Variants in SYNE3 observed in about 807,000 individuals in gnomAD.
The protein encoded by SYNE3 is nesprin-3.
A neutral mutation model predicts 111.2 loss-of-function variants in SYNE3; 100 were observed. That is an observed-to-expected ratio of 0.90 (90% CI 0.77 to 1.06). SYNE3 has a LOEUF of 1.06. SYNE3 is among the 50% of genes least tolerant of loss of function. The probability of loss-of-function intolerance (pLI) is 0.00; values close to 1 mark genes in which losing one functional copy is unlikely to be tolerated. For synonymous variants in SYNE3, 547 were observed against 533.9 expected (o/e 1.02, Z -0.34); for missense variants, 1,160 against 1,240.3 (o/e 0.94, Z 0.97).
chr14:95,469,314 T>G (rs911550937), intron 2 of SYNE3, among the ~76,000 whole-genome samples: 1 of 152,030 alleles, frequency 6.6e-6, no homozygotes, highest in African/African-American at 2.4e-5. Flanking sequence ...GGCAGGTCAC[T>G]AGGCTACTCT....
chr14:95,415,089 G>A lies in SYNE3; in HGVS notation c.*2737C>T, dbSNP rs17111984. The stretch of plus-strand genomic sequence containing the variant: ...CAGGCTGCATACATGCCCAGTGGCT[G>A]TTTTTTTCATGTAGTTGCTGACATG... On this transcript the variant is annotated 3_prime_UTR_variant, in exon 18 of 18. Coordinates refer to ENST00000682763, the MANE Select transcript of SYNE3 (RefSeq NM_152592.6). The A allele has an allele frequency of 0.14, 21,078 of 151,926 alleles. 1,563 individuals are homozygous for A. Among genetic ancestry groups the A allele is most frequent in the Non-Finnish European group, 0.15 (10,392 of 67,952 alleles). 9.4% of individuals were successfully genotyped at this position (151,926 alleles called of 1,614,324 possible).
intron 17 of SYNE3, among the ~76,000 whole-genome samples, chr14:95,422,376 G>A (rs1038131097): frequency 6.6e-6 from 1 of 152,132 alleles, no homozygotes; most frequent in Non-Finnish European, 1.5e-5. Context: ...ATTTTACAGA[G>A]GAAGAAACTG....
intron 1 of SYNE3, among the ~76,000 whole-genome samples, chr14:95,490,744 G>GACACTC (rs1268354963): frequency 1.3e-5 from 2 of 152,252 alleles, no homozygotes; most frequent in Non-Finnish European, 2.9e-5. Context: ...AGCTCAACCT[G>GACACTC]ACACTCTTCA....
At chr14:95,425,237 C>T (rs1431999477) in intron 17 of SYNE3, among the ~76,000 whole-genome samples, 3 of 107,522 alleles carry the variant, frequency 2.8e-5, no homozygotes, top group African/African-American at 9.7e-5. Flanking sequence ...CAGAGTGAGA[C>T]TCCATCAAAA....
Position 95,455,589 on chromosome 14 carries a change from G to C in SYNE3, c.925C>G (p.Leu309Val). The C allele has an allele frequency of 6.2e-7, 1 of 1,614,166 alleles. No individual in the cohort carries two copies. The highest frequency in any genetic ancestry group is 1.3e-5 in the African/African-American group (1 of 75,050). Residue 309 changes from leucine to valine, a missense_variant, in exon 6 of 18, where the codon CTG (leucine) becomes GTG (valine). By Grantham distance (32) the Leu-to-Val change is conservative (BLOSUM62 1). Transcript: ENST00000682763. ...TGELEEMRKV[L>V]EKLRALWEEE... The stretch of plus-strand genomic sequence containing the variant: ...TCCCAGAGGGCGCGCAGCTTCTCCA[G>C]AACTTTCCTCATCTCTTCCAGTTCT...
intron 6 of SYNE3, among the ~76,000 whole-genome samples, chr14:95,454,146 C>T (rs1202272206): frequency 6.6e-6 from 1 of 152,264 alleles, no homozygotes; most frequent in Non-Finnish European, 1.5e-5. Context: ...TCATACCCAG[C>T]CCTCTGCTCT....
chr14:95,457,247 A>G lies in SYNE3; in HGVS notation c.719T>C (p.Val240Ala), dbSNP rs752402746. ...DEFQLWLKAV[V>A]EKVNGCLGRN... ...CCCCAGGCAGCCATTCACCTTCTCCACCACCGCCTTCAGCCACAGTTGGAA... is the reference window on the plus strand; with the variant it reads ...CCCCAGGCAGCCATTCACCTTCTCCGCCACCGCCTTCAGCCACAGTTGGAA... Residue 240 changes from valine (V) to alanine (A), a missense_variant, in exon 5 of 18, where the codon GTG (valine) becomes GCG (alanine). By Grantham distance (64) the Val-to-Ala change is moderately conservative. Transcript: ENST00000682763. 3.5e-5 allele frequency: 57 copies of G among 1,613,918 alleles called. No individual in the cohort carries two copies. Among genetic ancestry groups the G allele is most frequent in the Non-Finnish European group, 4.1e-5 (48 of 1,180,018 alleles).
At chr14:95,425,250 AAAAAAG>A (rs1283790967) in intron 17 of SYNE3, among the ~76,000 whole-genome samples, 3 of 152,170 alleles carry the variant, frequency 2.0e-5, no homozygotes, top group Admixed American at 6.5e-5. Context: ...CATCAAAAAA[AAAAAAG>A]AAAAGAAAAA....
chr14:95,409,567 CG>C lies in SYNE3; in HGVS notation c.*8258del. ...TTGGGGATGATGTTACCATGACAAC[CG>C]GAGAGCAGGTGCTGGGAGATGCTGA... On this transcript the variant is annotated 3_prime_UTR_variant, in exon 18 of 18. Coordinates refer to ENST00000682763, the MANE Select transcript of SYNE3 (RefSeq NM_152592.6). 2.7e-6 allele frequency: 1 copy of C among 372,710 alleles called. No individual in the cohort carries two copies. The highest frequency in any genetic ancestry group is 5.3e-6 in the Non-Finnish European group (1 of 189,644). The allele number at this position is 372,710 out of a possible 1,614,324, so 23.1% of individuals were successfully genotyped here.
At chr14:95,477,789 T>G (rs548252027) in intron 1 of SYNE3, among the ~76,000 whole-genome samples, 3 of 152,378 alleles carry the variant, frequency 2.0e-5, no homozygotes, top group Non-Finnish European at 4.4e-5. Flanking sequence ...AGCCACTCCC[T>G]GCCTTTGAAT....
chr14:95,425,730 G>T (rs1885393914), intron 17 of SYNE3, among the ~76,000 whole-genome samples: 2 of 152,182 alleles, frequency 1.3e-5, no homozygotes, highest in Non-Finnish European at 2.9e-5. Context: ...TGTACATTCT[G>T]CTCAATTTTT....
intron 1 of SYNE3, among the ~76,000 whole-genome samples, chr14:95,498,243 T>C (rs141100107): frequency 0.089 from 13,604 of 152,062 alleles, 670 homozygotes; most frequent in African/African-American, 0.11. Context: ...CAGGCTGGAG[T>C]GTAGTGGCAT....
At chr14:95,451,209 C>T (rs951766022) in intron 7 of SYNE3, 1 of 152,206 alleles carries the variant, frequency 6.6e-6, no homozygotes, top group Admixed American at 6.5e-5. Flanking sequence ...GTCCAACAGA[C>T]GGATGGCCCA....
In SYNE3 at chr14:95,470,123, C is replaced by A. The variant is rs1020621641; in HGVS notation, c.145-2156G>T. Among the ~76,000 whole-genome samples the A allele has an allele frequency of 5.9e-5, 9 of 152,118 alleles. No homozygotes were observed. Among genetic ancestry groups the A allele is most frequent in the Admixed American group, 2.0e-4 (3 of 15,274 alleles). ...GTGGTGGCCACAGCAAGTACCCACA[C>A]AGGGACCCCGAGTCCCTCTCAGCAG... On this transcript the variant is annotated intron_variant, in intron 2 of 17. Coordinates refer to ENST00000682763, the MANE Select transcript of SYNE3 (RefSeq NM_152592.6). This position sits in a 1 kb window ranked among gnomAD's most constrained non-coding sequence, Gnocchi z 4.2.
chr14:95,502,868 G>A (rs1240795288), intron 1 of SYNE3, among the ~76,000 whole-genome samples: 1 of 152,160 alleles, frequency 6.6e-6, no homozygotes, highest in Admixed American at 6.5e-5. Flanking sequence ...CTTGTTTCTA[G>A]GTTTCTAAAG....
At chr14:95,452,890 GTTA>G (rs1343533704) in intron 6 of SYNE3, among the ~76,000 whole-genome samples, 5 of 152,190 alleles carry the variant, frequency 3.3e-5, no homozygotes, top group African/African-American at 1.2e-4. Flanking sequence ...TGTGAACCCG[GTTA>G]TTATTCTCGG....
chr14:95,433,270 C>G lies in SYNE3; in HGVS notation c.2678G>C (p.Gly893Ala), dbSNP rs1431780971. 13 of 1,613,780 alleles carry G rather than the reference C, an allele frequency of 8.1e-6. No homozygotes were observed. Among genetic ancestry groups the G allele is most frequent in the Middle Eastern group, 3.3e-4 (2 of 6,062 alleles). ...MLYKSKLKDS[G>A]HLLTQSSPGE... is the part of the protein sequence containing the mutation. ...ATCCTTGGCACCTACCAGCAGGTGG[C>G]CAGAGTCCTTCAGCTTGGACTTGTA... The change falls in exon 16 of 18, where the codon GGC becomes GCC. Residue 893 changes from glycine (G) to alanine (A), a missense_variant. Physicochemically the swap from Gly to Ala is moderately conservative, Grantham distance 60 (BLOSUM62 0). Transcript: ENST00000682763.
intron 5 of SYNE3, 39 bp downstream of exon 5, chr14:95,457,133 ACTGTC>A (rs146162422): frequency 0.5 from 803,173 of 1,590,520 alleles, 207,420 homozygotes; most frequent in Admixed American, 0.69. Context: ...ACCCTCTGTG[ACTGTC>A]CCTAGGGTCC....
At chr14:95,450,407 G>A (rs1161056364) in intron 7 of SYNE3, 9 of 347,888 alleles carry the variant, frequency 2.6e-5, no homozygotes, top group Non-Finnish European at 4.7e-5. Flanking sequence ...GGATACGGTG[G>A]CTCACACCTG....
Sources: allele counts gnomAD v4.1 joint callset (sites outside exome capture counted in the v4.1 genomes callset), GRCh38; gene constraint gnomAD v4.1.1; non-coding constraint Gnocchi (gnomAD v3.1); transcripts MANE v1.5; gene names NCBI Gene and HGNC (gene_info 2026-07-23, HGNC 2026-07-21).